The following TCFL5 variants were observed in gnomAD, a reference collection of about 807,000 sequenced individuals.
The protein encoded by TCFL5 is transcription factor like 5, also known as transcription factor-like 5 protein.
TCFL5 carries 9 observed loss-of-function variants against 44.3 expected under a neutral mutation model. That is an observed-to-expected ratio of 0.20 (90% CI 0.12 to 0.35). TCFL5 has a LOEUF of 0.35. Among genes scored for constraint, TCFL5 ranks in the 10% least tolerant of loss-of-function variants. TCFL5 has a pLI of 1.00. For missense variants in TCFL5, 603 were observed against 613.4 expected (o/e 0.98, Z 0.18); for synonymous variants, 319 against 271.6 (o/e 1.17, Z -1.72).
At chr20:62,858,415 G>A (rs975238077) in intron 3 of TCFL5, among the ~76,000 whole-genome samples, 1 of 152,224 alleles carries the variant, frequency 6.6e-6, no homozygotes, top group Non-Finnish European at 1.5e-5. Flanking sequence ...CTGAGTAGTC[G>A]GCACAGAGGC....
At position 62,846,854 on chromosome 20, in the gene TCFL5, AACTATG is replaced by A. The variant is rs1046672271; in HGVS notation, c.1381-4763_1381-4758del. 4.7e-4 allele frequency among the ~76,000 whole-genome samples: 72 copies of A among 152,220 alleles called. 1 individual carries two copies. Among genetic ancestry groups the A allele is most frequent in the African/African-American group, 1.7e-3 (70 of 41,554 alleles). ...TTAGTAAGAAAAAAGAAATAGCTCTAACTATGAGTCAGGAAAATATACCAGGAAGTT... is the reference window on the plus strand; with the variant it reads ...TTAGTAAGAAAAAAGAAATAGCTCTAAGTCAGGAAAATATACCAGGAAGTT... On this transcript the variant is annotated intron_variant, in intron 5 of 5. Transcript: ENST00000335351.
intron 5 of TCFL5, among the ~76,000 whole-genome samples, chr20:62,853,650 C>T (rs1029328141): frequency 3.9e-5 from 6 of 152,212 alleles, no homozygotes; most frequent in South Asian, 2.1e-4. Context: ...TGTGGCTGGC[C>T]GGTTTTTGTT....
At chr20:62,851,591 C>G (rs2063810507) in intron 5 of TCFL5, 1 of 985,270 alleles carries the variant, frequency 1.0e-6, no homozygotes, top group Non-Finnish European at 1.2e-6. Context: ...CATAAACGAT[C>G]CGATCAGAAT....
chr20:62,852,795 G>A (rs2063828840), intron 5 of TCFL5: 1 of 1,289,176 alleles, frequency 7.8e-7, no homozygotes, highest in Non-Finnish European at 1.0e-6. Flanking sequence ...CGGTCACCCG[G>A]TCCGCAGAAG....
chr20:62,852,742 T>C lies in TCFL5; in HGVS notation c.1380+1274A>G, dbSNP rs1018133766. On this transcript the variant is annotated intron_variant, in intron 5 of 5. Coordinates refer to ENST00000335351, the MANE Select transcript of TCFL5 (RefSeq NM_006602.4). ...ATTCACCTGGTTGACAGAAGCATAGTCACCTGGTCCGCAGAAGTATATTCA... is the reference window on the plus strand; with the variant it reads ...ATTCACCTGGTTGACAGAAGCATAGCCACCTGGTCCGCAGAAGTATATTCA... 1.4e-5 allele frequency: 18 copies of C among 1,279,688 alleles called. No individual in the cohort carries two copies. The Admixed American group carries it at 4.2e-4, about 30-fold the overall frequency. The allele number at this position is 1,279,688 out of a possible 1,614,324, so 79.3% of individuals were successfully genotyped here.
intron 5 of TCFL5, chr20:62,844,899 G>A (rs1454102932): frequency 1.0e-6 from 1 of 984,842 alleles, no homozygotes; most frequent in Non-Finnish European, 1.2e-6. Flanking sequence ...CCCAGTCTGT[G>A]TAGTCTTTTT....
intron 5 of TCFL5, among the ~76,000 whole-genome samples, chr20:62,849,995 T>C (rs1029008800): frequency 1.3e-5 from 2 of 151,998 alleles, no homozygotes; most frequent in African/African-American, 4.8e-5. Flanking sequence ...AATAAAAAAA[T>C]TAGGCAGGTA....
At chr20:62,857,837 G>C (rs569330299) in intron 3 of TCFL5, among the ~76,000 whole-genome samples, 199 bp from the exon 4 acceptor site, 1 of 152,108 alleles carries the variant, frequency 6.6e-6, no homozygotes, top group South Asian at 2.1e-4. Flanking sequence ...TTTATACAAC[G>C]AAACTGAACA....
At chr20:62,843,285 GGGAA>G (rs1004224890) in intron 5 of TCFL5, among the ~76,000 whole-genome samples, 117 of 152,314 alleles carry the variant, frequency 7.7e-4, no homozygotes, top group African/African-American at 2.7e-3. Context: ...GCTCAGATTC[GGGAA>G]GGAGACTCAG....
chr20:62,841,723 CTAAT>C lies in TCFL5; in HGVS notation c.*248_*251del, dbSNP rs538523286. 144 of 290,546 alleles carry C rather than the reference CTAAT, an allele frequency of 5.0e-4. No homozygotes were observed. The highest frequency in any genetic ancestry group is 1.5e-3 in the African/African-American group (68 of 45,896). 18.0% of individuals were successfully genotyped at this position (290,546 alleles called of 1,614,324 possible). ...TTGAGAAAATGCTTACTAATTATTA[CTAAT>C]TAATTATTACTAATTATTAAGATGG... On this transcript the variant is annotated 3_prime_UTR_variant, in exon 6 of 6. Coordinates refer to ENST00000335351, the MANE Select transcript of TCFL5 (RefSeq NM_006602.4).
Position 62,841,160 on chromosome 20 carries a change from C to CAAA in TCFL5, c.*812_*814dup, listed in dbSNP as rs2063676075. 9.8e-6 allele frequency: 2 copies of CAAA among 204,476 alleles called. No individual in the cohort carries two copies. Among genetic ancestry groups the CAAA allele is most frequent in the Non-Finnish European group, 2.0e-5 (2 of 99,130 alleles). 12.7% of individuals were successfully genotyped at this position (204,476 alleles called of 1,614,324 possible). A position where few individuals can be genotyped will look rare whatever the true frequency, so the allele number is the denominator to read the frequency against. On this transcript the variant is annotated 3_prime_UTR_variant, in exon 6 of 6. Transcript: ENST00000335351. ...AATGTACAGTAAATTCTCTCCCATA[C>CAAA]AAAGGTCTAGTCTGATGTTTTGTGT...
chr20:62,853,871 A>G, intron 5 of TCFL5, 145 bp downstream of exon 5: 1 of 810,768 alleles, frequency 1.2e-6, no homozygotes, highest in South Asian at 1.7e-5. Flanking sequence ...ATCATTAAAG[A>G]GCAGAGCTTT....
chr20:62,847,494 G>A (rs6062707), intron 5 of TCFL5, among the ~76,000 whole-genome samples: 20,392 of 152,272 alleles, frequency 0.13, 1,866 homozygotes, highest in Non-Finnish European at 0.2. Flanking sequence ...ACTCCAGCAC[G>A]GCCCAGGCCA....
intron 5 of TCFL5, among the ~76,000 whole-genome samples, chr20:62,848,119 C>T (rs2063766609): frequency 6.6e-6 from 1 of 152,248 alleles, no homozygotes; most frequent in Non-Finnish European, 1.5e-5. Flanking sequence ...TCCGAGTCTG[C>T]AGCAGGGCCT....
rs1405757223 is a variant in TCFL5 at position 62,854,109 on chromosome 20, G to A, written c.1287C>T (p.Phe429=). ...TGGCCTTGTCAGTCTCGGCATTGCA[G>A]AACGGCACTAAGAGATTCAACTCAT... ...CCDELNLLVP[F]CNAETDKATT... is the part of the protein sequence containing the mutation. The change falls in exon 5 of 6, where the codon TTC becomes TTT. Residue 429 remains phenylalanine, a synonymous_variant. Coordinates refer to ENST00000335351, the MANE Select transcript of TCFL5 (RefSeq NM_006602.4). 6.2e-7 allele frequency: 1 copy of A among 1,614,174 alleles called. No homozygotes were observed. The highest frequency in any genetic ancestry group is 8.5e-7 in the Non-Finnish European group (1 of 1,180,050).
chr20:62,844,575 G>GTTTT (rs1169875367), intron 5 of TCFL5, among the ~76,000 whole-genome samples: 5 of 130,278 alleles, frequency 3.8e-5, no homozygotes, highest in African/African-American at 1.6e-4. Context: ...TTTTTTGTTT[G>GTTTT]TTTTTTGTTT....
intron 5 of TCFL5, chr20:62,845,674 T>G (rs2063732791): frequency 6.8e-6 from 11 of 1,606,556 alleles, no homozygotes; most frequent in Non-Finnish European, 9.4e-6. Flanking sequence ...ATGGCAGTAT[T>G]TCATGACGAG....
chr20:62,858,522 C>T (rs1364538831), intron 3 of TCFL5, among the ~76,000 whole-genome samples: 1 of 152,222 alleles, frequency 6.6e-6, no homozygotes, highest in African/African-American at 2.4e-5. Flanking sequence ...TGGGAGAAGG[C>T]GGTAGCTCTT....
chr20:62,860,751 G>A (rs1207302701), intron 1 of TCFL5, among the ~76,000 whole-genome samples: 2 of 152,208 alleles, frequency 1.3e-5, no homozygotes, highest in Admixed American at 6.5e-5. Context: ...CGGAGCACAT[G>A]GTTCCCAGGA....
Sources: gnomAD v4.1 joint callset for allele counts (sites outside exome capture counted in the v4.1 genomes callset) on GRCh38, gnomAD v4.1.1 for gene constraint, MANE v1.5 for transcripts, NCBI Gene and HGNC (gene_info 2026-07-23, HGNC 2026-07-21) for gene names.